MYH8: variants seen among roughly 807,000 people sequenced by gnomAD.
The protein encoded by MYH8 is myosin heavy chain 8, also known as myosin-8.
Under a neutral mutation model 233.2 loss-of-function variants are expected in MYH8, and 168 were observed. The observed-to-expected ratio is 0.72, with a 90% CI of 0.64 to 0.82. MYH8 has a LOEUF of 0.82. Among genes scored for constraint, MYH8 ranks in the 40% least tolerant of loss-of-function variants. The pLI, the probability that MYH8 is intolerant of heterozygous loss-of-function variation, is 0.00. For missense variants in MYH8, 1,995 were observed against 2,327.8 expected (o/e 0.86, Z 2.94); for synonymous variants, 785 against 850.6 (o/e 0.92, Z 1.34).
intron 38 of MYH8, 60 bp from the exon 39 acceptor site, chr17:10,392,037 C>G: frequency 7.0e-7 from 1 of 1,418,698 alleles, no homozygotes; most frequent in Non-Finnish European, 1.0e-6. Flanking sequence ...ACTCTGGGTA[C>G]TAAAATAAAA....
rs147185960 is a variant in MYH8, at chr17:10,401,385, T to C, written c.2998A>G (p.Lys1000Glu). 1.3e-4 allele frequency: 215 copies of C among 1,614,118 alleles called. 2 individuals carry two copies. The East Asian group carries it at 4.7e-3, about 35-fold the overall frequency. Residue 1000 changes from lysine (K) to glutamate (E), a missense_variant, in exon 24 of 40, where the codon AAG (lysine) becomes GAG (glutamate). Lys to Glu is a moderately conservative substitution (Grantham distance 56). Transcript: ENST00000403437. ...ETIAKLSKEK[K>E]ALQETHQQTL... is the part of the protein sequence containing the mutation. Reference sequence around the variant, plus strand: ...TGCTGGTGGGTCTCTTGGAGAGCCTTCTTCTCCTTGGACAGTTTTGCAATG... The same window carrying C: ...TGCTGGTGGGTCTCTTGGAGAGCCTCCTTCTCCTTGGACAGTTTTGCAATG...
rs1293945863 is a variant in MYH8 at position 10,409,110 on chromosome 17, GAC to G, written c.1950_1951del (p.Ser651CysfsTer9). The G allele has an allele frequency of 1.9e-6, 3 of 1,614,110 alleles. No homozygotes were observed. The Admixed American group carries it at 5.0e-5, about 27-fold the overall frequency. On this transcript the variant is annotated frameshift_variant, in exon 17 of 40. Transcript: ENST00000403437. LOFTEE classifies it high-confidence loss of function. ...TTTGTACTTTACCCTGAAAAGGGCA[GAC>G]ACAGTCTGGAAAGAAGAGCCCTTTT...
Position 10,401,733 on chromosome 17 carries a change from T to C in MYH8, c.2741A>G (p.Asn914Ser). The change falls in exon 23 of 40, where the codon AAC becomes AGC. Residue 914 changes from asparagine to serine, a missense_variant. Asn to Ser is a conservative substitution (Grantham distance 46). Transcript: ENST00000403437. Reference protein sequence around the residue: ...AEERCEQLIKNKIQLEAKIKE... With the variant: ...AEERCEQLIKSKIQLEAKIKE... ...GATTTTGGCCTCAAGTTGGATTTTG[T>C]TTTTAATCAGTTGCTCACACCTTTC... The C allele has an allele frequency of 6.2e-7, 1 of 1,614,200 alleles. No homozygotes were observed. The highest frequency in any genetic ancestry group is 1.1e-5 in the South Asian group (1 of 91,086).
chr17:10,402,647 A>ACT (rs924151972), intron 22 of MYH8, among the ~76,000 whole-genome samples: 7 of 151,568 alleles, frequency 4.6e-5, no homozygotes, highest in Non-Finnish European at 1.0e-4. Flanking sequence ...ACACACACAC[A>ACT]CTCTCCTAAA....
Position 10,400,325 on chromosome 17 carries a change from T to C in MYH8, c.3735+65A>G. The C allele has an allele frequency of 6.3e-7, 1 of 1,585,478 alleles. No individual in the cohort carries two copies. Among genetic ancestry groups the C allele is most frequent in the Non-Finnish European group, 8.6e-7 (1 of 1,163,296 alleles). On this transcript the variant is annotated intron_variant, in intron 27 of 39. Coordinates refer to ENST00000403437, the MANE Select transcript of MYH8 (RefSeq NM_002472.3). The surrounding 1 kb of genome is among the most constrained non-coding windows in gnomAD (Gnocchi z 4.0). ...CTGTAAAATGCCTGCAAACAATGTT[T>C]AGTGATAGAGAATAATGGGTGTTCT...
Position 10,418,887 on chromosome 17 carries a change from G to A in MYH8, c.354C>T (p.Tyr118=), listed in dbSNP as rs1293946160. 3 of 1,614,036 alleles carry A rather than the reference G, an allele frequency of 1.9e-6. No homozygotes were observed. Among genetic ancestry groups the A allele is most frequent in the Non-Finnish European group, 2.5e-6 (3 of 1,179,974 alleles). ...LKERYAAWMI[Y]TYSGLFCVTV... is the part of the protein sequence containing the mutation. ...TAAAAAGGTGTTTACAGACACTCAC[G>A]TAGATCATCCAGGCTGCATAGCGCT... Residue 118 remains tyrosine (Y), a splice_region_variant and synonymous_variant, in exon 4 of 40, where the codon TAC becomes TAT. Coordinates refer to ENST00000403437, the MANE Select transcript of MYH8 (RefSeq NM_002472.3).
Position 10,391,940 on chromosome 17 carries a change from T to G in MYH8, c.5606A>C (p.Asp1869Ala). ...EDRKNVLRLQ[D>A]LVDKLQAKVK... ...CTTCGCCTGTAATTTATCTACCAAG[T>G]CCTGCAGCCTGAGAACATTCTTGCG... The change falls in exon 39 of 40, where the codon GAC becomes GCC. Residue 1869 changes from aspartate (D) to alanine (A), a missense_variant. Physicochemically the swap from Asp to Ala is moderately radical, Grantham distance 126. Transcript: ENST00000403437. The G allele has an allele frequency of 6.2e-7, 1 of 1,614,196 alleles. No homozygotes were observed.
In MYH8 at chr17:10,417,535, T is replaced by C. The variant is rs1443811448; in HGVS notation, c.511+1110A>G. ...CTCACCAGCTCAAAGGCTAGAGCTCTGTACCATTTTGTACAAAAATCATGT... is the reference window on the plus strand; with the variant it reads ...CTCACCAGCTCAAAGGCTAGAGCTCCGTACCATTTTGTACAAAAATCATGT... On this transcript the variant is annotated intron_variant, in intron 5 of 39. Transcript: ENST00000403437. The surrounding 1 kb of genome is among the most constrained non-coding windows in gnomAD (Gnocchi z 4.1). Among the ~76,000 whole-genome samples, 1 of 152,236 alleles carries C rather than the reference T, an allele frequency of 6.6e-6. No individual in the cohort carries two copies. Among genetic ancestry groups the C allele is most frequent in the African/African-American group, 2.4e-5 (1 of 41,472 alleles).
At chr17:10,412,572 C>T (rs2072252804) in intron 13 of MYH8, 38 bp downstream of exon 13, 2 of 1,614,172 alleles carry the variant, frequency 1.2e-6, no homozygotes, top group Non-Finnish European at 1.7e-6. Context: ...GCCATGAAGG[C>T]CTGAGATGTG....
chr17:10,397,822 C>T (rs1277157845), intron 30 of MYH8, among the ~76,000 whole-genome samples: 1 of 152,152 alleles, frequency 6.6e-6, no homozygotes, highest in East Asian at 1.9e-4. Flanking sequence ...TATAGTTGGA[C>T]AATCTCTCCT....
At chr17:10,392,681 T>TG (rs1428595002) in intron 37 of MYH8, 35 bp from the exon 38 acceptor site, 2 of 1,613,610 alleles carry the variant, frequency 1.2e-6, no homozygotes, top group African/African-American at 2.7e-5. Flanking sequence ...CAGTCAGTCT[T>TG]GGGGGATATT....
rs1203991660 is a variant in MYH8, at chr17:10,400,740, T to C, written c.3385A>G (p.Arg1129Gly). Residue 1129 changes from arginine to glycine, a missense_variant, in exon 27 of 40, where the codon AGG (arginine) becomes GGG (glycine). By Grantham distance (125) the Arg-to-Gly change is moderately radical. Around this residue, in one of 3 missense-constraint regions of MYH8, gnomAD observed 1,498 missense variants for 1,680.9 expected, o/e 0.89. Coordinates refer to ENST00000403437, the MANE Select transcript of MYH8 (RefSeq NM_002472.3). This position sits in a 1 kb window ranked among gnomAD's most constrained non-coding sequence, Gnocchi z 4.0. Reference protein sequence around the residue: ...EELGEEIEAERASRAKAEKQR... With the variant: ...EELGEEIEAEGASRAKAEKQR... ...TTCTCCGCTTTGGCTCGGGACGCCC[T>C]CTCTGCCTCGATTTCTTCCCCCAGC... 1 of 1,614,140 alleles carries C rather than the reference T, an allele frequency of 6.2e-7. No individual in the cohort carries two copies. Among genetic ancestry groups the C allele is most frequent in the East Asian group, 2.2e-5 (1 of 44,886 alleles).
chr17:10,399,912 C>T (rs966370501), intron 27 of MYH8, among the ~76,000 whole-genome samples: 2 of 152,216 alleles, frequency 1.3e-5, no homozygotes, highest in Admixed American at 6.5e-5. Flanking sequence ...ATTTTGAAAT[C>T]ATCTTAATAG....
At position 10,415,755 on chromosome 17, in the gene MYH8, T is replaced by A; in HGVS notation, c.512-47A>T. On this transcript the variant is annotated intron_variant, in intron 5 of 39. Coordinates refer to ENST00000403437, the MANE Select transcript of MYH8 (RefSeq NM_002472.3). The surrounding 1 kb of genome is among the most constrained non-coding windows in gnomAD (Gnocchi z 4.1). ...TCCGTTAAAAAATGCATATTTAATA[T>A]GAAGAGTATTGAATCAGTTCAGATC... 1 of 1,555,600 alleles carries A rather than the reference T, an allele frequency of 6.4e-7. No individual in the cohort carries two copies. The highest frequency in any genetic ancestry group is 1.1e-5 in the South Asian group (1 of 87,410).
chr17:10,403,983 C>G (rs947311321), intron 22 of MYH8, among the ~76,000 whole-genome samples: 3 of 152,128 alleles, frequency 2.0e-5, no homozygotes, highest in Non-Finnish European at 4.4e-5. Flanking sequence ...ATCTCATAGA[C>G]TTGCATTTAG....
Position 10,417,069 on chromosome 17 carries a change from G to A in MYH8, c.512-1361C>T, listed in dbSNP as rs2072295939. Among the ~76,000 whole-genome samples the A allele has an allele frequency of 6.6e-6, 1 of 152,072 alleles. No homozygotes were observed. Among genetic ancestry groups the A allele is most frequent in the Non-Finnish European group, 1.5e-5 (1 of 68,014 alleles). Reference sequence around the variant, plus strand: ...TTTGATGTCACTAGTTTGACTTCTGGCAATACTAAATAAGGAAGGGGTCTG... The same window carrying A: ...TTTGATGTCACTAGTTTGACTTCTGACAATACTAAATAAGGAAGGGGTCTG... On this transcript the variant is annotated intron_variant, in intron 5 of 39. Transcript: ENST00000403437. This position sits in a 1 kb window ranked among gnomAD's most constrained non-coding sequence, Gnocchi z 4.1.
Position 10,410,831 on chromosome 17 carries a change from C to A in MYH8, c.1533G>T (p.Trp511Cys). Residue 511 changes from tryptophan to cysteine, a missense_variant, in exon 15 of 40, where the codon TGG becomes TGT. Physicochemically the swap from Trp to Cys is radical, Grantham distance 215 (BLOSUM62 -2). Coordinates refer to ENST00000403437, the MANE Select transcript of MYH8 (RefSeq NM_002472.3). Reference protein sequence around the residue: ...QEEYKKEGIEWTFIDFGMDLA... With the variant: ...QEEYKKEGIECTFIDFGMDLA... ...GGTCCATCCCAAAGTCAATGAACGTCCACTCGATGCCTTCCTTCTTGTACT... is the reference window on the plus strand; with the variant it reads ...GGTCCATCCCAAAGTCAATGAACGTACACTCGATGCCTTCCTTCTTGTACT... 1 of 1,613,946 alleles carries A rather than the reference C, an allele frequency of 6.2e-7. No individual in the cohort carries two copies. The highest frequency in any genetic ancestry group is 1.1e-5 in the South Asian group (1 of 91,056).
chr17:10,402,814 C>A (rs1295905678), intron 22 of MYH8, among the ~76,000 whole-genome samples: 1 of 152,118 alleles, frequency 6.6e-6, no homozygotes, highest in Admixed American at 6.6e-5. Context: ...CAGATTTCCC[C>A]AGTGTAACAA....
At chr17:10,397,500 G>C (rs549645780) in intron 30 of MYH8, among the ~76,000 whole-genome samples, 1 of 152,316 alleles carries the variant, frequency 6.6e-6, no homozygotes, top group South Asian at 2.1e-4. Flanking sequence ...AAGTGGTGAA[G>C]AGTTGGAAAC....
Sources: allele counts gnomAD v4.1 joint callset (sites outside exome capture counted in the v4.1 genomes callset), GRCh38; gene constraint gnomAD v4.1.1; regional missense constraint gnomAD v4.1.1; non-coding constraint Gnocchi (gnomAD v3.1); transcripts MANE v1.5; gene names NCBI Gene and HGNC (gene_info 2026-07-23, HGNC 2026-07-21).